DLGAP3: variants seen among roughly 807,000 people sequenced by gnomAD.
The protein encoded by DLGAP3 is disks large-associated protein 3.
DLGAP3 carries 17 observed loss-of-function variants against 81.2 expected under a neutral mutation model. That is an observed-to-expected ratio of 0.21 (90% CI 0.14 to 0.31). The LOEUF (loss-of-function observed/expected upper bound fraction) is 0.31. Among genes scored for constraint, DLGAP3 ranks in the 10% least tolerant of loss-of-function variants. The probability of loss-of-function intolerance (pLI) is 1.00; values close to 1 mark genes in which losing one functional copy is unlikely to be tolerated. For missense variants in DLGAP3, 1,124 were observed against 1,388.0 expected (o/e 0.81, Z 3.02); for synonymous variants, 577 against 587.4 (o/e 0.98, Z 0.26).
At chr1:34,875,033 T>C (rs1375093147) in intron 8 of DLGAP3, among the ~76,000 whole-genome samples, 5 of 152,040 alleles carry the variant, frequency 3.3e-5, no homozygotes, top group Non-Finnish European at 7.4e-5. Context: ...GGAGGAGTCA[T>C]GAGGGTCAGT....
intron 5 of DLGAP3, among the ~76,000 whole-genome samples, chr1:34,889,940 G>A (rs967983882): frequency 6.6e-6 from 1 of 152,150 alleles, no homozygotes; most frequent in African/African-American, 2.4e-5. Context: ...CACCCACTTG[G>A]GCATAGGAGG....
At chr1:34,880,308 CCCA>C in intron 8 of DLGAP3, among the ~76,000 whole-genome samples, 1 of 152,272 alleles carries the variant, frequency 6.6e-6, no homozygotes, top group South Asian at 2.1e-4. Flanking sequence ...ACCTCAGCCT[CCCA>C]AAGTACTGGG....
intron 5 of DLGAP3, among the ~76,000 whole-genome samples, chr1:34,891,330 A>G (rs1639309286): frequency 6.6e-6 from 1 of 152,160 alleles, no homozygotes; most frequent in African/African-American, 2.4e-5. Context: ...GCTCCACTTA[A>G]TTTGGGGCAT....
rs142633506 is a variant in DLGAP3, at chr1:34,904,742, C to T, written c.642G>A (p.Pro214=). 1.1e-4 allele frequency: 184 copies of T among 1,611,912 alleles called. No homozygotes were observed. In the East Asian group the frequency reaches 1.3e-3, roughly 12 times the overall value. The change falls in exon 3 of 12, where the codon CCG becomes CCA. Residue 214 remains proline (P), a synonymous_variant. Coordinates refer to ENST00000373347, the MANE Select transcript of DLGAP3 (RefSeq NM_001080418.3). The surrounding 1 kb of genome is among the most constrained non-coding windows in gnomAD (Gnocchi z 8.1). ...GGSGGDSYPG[P]GSGGPHTSHH... ...GGGAGGTGTGGGGGCCTCCAGAGCC[C>T]GGGCCGGGGTAGCTGTCTCCTCCAG...
intron 2 of DLGAP3, 81 bp downstream of exon 2, chr1:34,907,274 T>C (rs565913177): frequency 6.5e-6 from 1 of 152,710 alleles, no homozygotes; most frequent in African/African-American, 2.4e-5. Context: ...GATGAGTCAC[T>C]TTGAATCAAG....
At chr1:34,874,147 C>T (rs964025635) in intron 8 of DLGAP3, among the ~76,000 whole-genome samples, 5 of 152,140 alleles carry the variant, frequency 3.3e-5, no homozygotes, top group African/African-American at 4.8e-5. Flanking sequence ...GGACCTCAAG[C>T]AGCCATTCTG....
At chr1:34,896,585 T>TCACACACACACACACA (rs10593156) in intron 5 of DLGAP3, among the ~76,000 whole-genome samples, 1,643 of 146,878 alleles carry the variant, frequency 0.011, 24 homozygotes, top group Middle Eastern at 0.021. Flanking sequence ...CCAGACTCCA[T>TCACACACACACACACA]CACACACACA....
intron 8 of DLGAP3, among the ~76,000 whole-genome samples, chr1:34,884,531 T>C (rs189671979): frequency 2.0e-5 from 3 of 150,774 alleles, no homozygotes; most frequent in African/African-American, 7.5e-5. Flanking sequence ...GTGAGCCAAG[T>C]GAGGAGGAGT....
intron 5 of DLGAP3, among the ~76,000 whole-genome samples, chr1:34,887,301 C>T (rs1488342996): frequency 6.6e-6 from 1 of 151,958 alleles, no homozygotes; most frequent in Non-Finnish European, 1.5e-5. Flanking sequence ...TCTGGCTTAA[C>T]CTGTGGGTTC....
intron 5 of DLGAP3, among the ~76,000 whole-genome samples, chr1:34,892,903 T>G (rs537801706): frequency 6.6e-6 from 1 of 152,272 alleles, no homozygotes; most frequent in East Asian, 1.9e-4. Context: ...CCGGGCGCGG[T>G]GGCTCACGCC....
chr1:34,889,573 G>A lies in DLGAP3; in HGVS notation c.1387-3288C>T, dbSNP rs867962886. Among the ~76,000 whole-genome samples, 8 of 152,302 alleles carry A rather than the reference G, an allele frequency of 5.3e-5. No individual in the cohort carries two copies. In the South Asian group the frequency reaches 1.7e-3, roughly 32 times the overall value. On this transcript the variant is annotated intron_variant, in intron 5 of 11. Transcript: ENST00000373347. ...AATCAGTAGCCATTTCCAAGCTCAT[G>A]AAATATTTAAAGTAAAAATGCTTTG...
At chr1:34,870,062 G>A (rs1181562494) in intron 8 of DLGAP3, among the ~76,000 whole-genome samples, 1 of 152,188 alleles carries the variant, frequency 6.6e-6, no homozygotes, top group Non-Finnish European at 1.5e-5. Context: ...CCCAGAGCCT[G>A]GCCAGACACA....
intron 3 of DLGAP3, among the ~76,000 whole-genome samples, chr1:34,901,266 T>TA (rs1388990038): frequency 6.6e-6 from 1 of 151,930 alleles, no homozygotes; most frequent in East Asian, 1.9e-4. Flanking sequence ...CACTGACATT[T>TA]AAAAAGGGAC....
chr1:34,911,713 TAAAC>T (rs1639643697), intron 1 of DLGAP3, among the ~76,000 whole-genome samples: 1 of 152,144 alleles, frequency 6.6e-6, no homozygotes, highest in South Asian at 2.1e-4. Flanking sequence ...ATTAGTTTCT[TAAAC>T]CGGAACTTGC....
rs12084865 is a variant in DLGAP3, at chr1:34,913,978, C to T, written c.-134-6541G>A. On this transcript the variant is annotated intron_variant, in intron 1 of 11. Transcript: ENST00000373347. ...TCCCTCTGCATAGCTCAGGGAAGGT[C>T]GTGGAGGGAGAAGGGAGAATAAGAA... 4.5e-4 allele frequency among the ~76,000 whole-genome samples: 69 copies of T among 152,066 alleles called. 1 individual carries two copies. Among genetic ancestry groups the T allele is most frequent in the Middle Eastern group, 6.8e-3 (2 of 292 alleles).
chr1:34,869,043 C>T lies in DLGAP3; in HGVS notation c.2047G>A (p.Ala683Thr). The T allele has an allele frequency of 6.3e-7, 1 of 1,599,642 alleles. No individual in the cohort carries two copies. Among genetic ancestry groups the T allele is most frequent in the Non-Finnish European group, 8.5e-7 (1 of 1,178,878 alleles). The part of the protein sequence containing the change: ...RSNSVTAGVQ[A>T]DLELEGLAGL... ...GCCAGGCCCTCCAGCTCCAGGTCTG[C>T]CTGCACGCCAGCCGTCACACTATTG... The change falls in exon 9 of 12, where the codon GCA (alanine) becomes ACA (threonine). Residue 683 changes from alanine (A) to threonine (T), a missense_variant. Ala to Thr is a moderately conservative substitution (Grantham distance 58, BLOSUM62 0). Transcript: ENST00000373347.
At chr1:34,899,087 C>CA (rs1557483006) in intron 5 of DLGAP3, among the ~76,000 whole-genome samples, 1 of 142,114 alleles carries the variant, frequency 7.0e-6, no homozygotes, top group African/African-American at 2.7e-5. Context: ...ATCAATTCTA[C>CA]TTTTTTTTTT....
chr1:34,920,600 A>G (rs996497059), intron 1 of DLGAP3, among the ~76,000 whole-genome samples: 9 of 152,306 alleles, frequency 5.9e-5, no homozygotes, highest in African/African-American at 2.2e-4. Context: ...GGTGTTCTAC[A>G]TCAGGCCACT....
chr1:34,885,943 C>A, intron 6 of DLGAP3, 129 bp downstream of exon 6: 5 of 1,178,800 alleles, frequency 4.2e-6, no homozygotes, highest in South Asian at 1.5e-5. Flanking sequence ...AACGGACGCT[C>A]TCCCCGTCAT....
Sources: allele counts gnomAD v4.1 joint callset (sites outside exome capture counted in the v4.1 genomes callset), GRCh38; gene constraint gnomAD v4.1.1; non-coding constraint Gnocchi (gnomAD v3.1); transcripts MANE v1.5; gene names NCBI Gene and HGNC (gene_info 2026-07-23, HGNC 2026-07-21).